CLSTN2: variants seen among roughly 807,000 people sequenced by gnomAD.
The protein encoded by CLSTN2 is calsyntenin-2.
Under a neutral mutation model 101.2 loss-of-function variants are expected in CLSTN2, and 48 were observed. That is an observed-to-expected ratio of 0.47 (90% CI 0.38 to 0.60). The LOEUF (loss-of-function observed/expected upper bound fraction) is 0.60, where lower values mean the gene tolerates loss of function less well. Among genes scored for constraint, CLSTN2 ranks in the 20% least tolerant of loss-of-function variants. The pLI is 0.00. For synonymous variants in CLSTN2, 481 were observed against 463.6 expected (o/e 1.04, Z -0.48); for missense variants, 1,160 against 1,238.2 (o/e 0.94, Z 0.95).
intron 2 of CLSTN2, among the ~76,000 whole-genome samples, chr3:140,264,227 C>T (rs1461049907): frequency 6.6e-6 from 1 of 151,410 alleles, no homozygotes; most frequent in Non-Finnish European, 1.5e-5. Flanking sequence ...TTTAAAATGG[C>T]CTCCCAAGCA....
intron 2 of CLSTN2, among the ~76,000 whole-genome samples, chr3:140,283,075 TC>T (rs1422392185): frequency 6.6e-6 from 1 of 152,136 alleles, no homozygotes; most frequent in African/African-American, 2.4e-5. Context: ...TGTTCAGAGT[TC>T]CTATTTTCCA....
chr3:140,451,700 C>T (rs908931318), intron 6 of CLSTN2, among the ~76,000 whole-genome samples: 23 of 152,160 alleles, frequency 1.5e-4, no homozygotes, highest in African/African-American at 5.5e-4. Flanking sequence ...GGCTGGATCA[C>T]TTCTAAAATG....
At chr3:140,530,702 G>T (rs1033338039) in intron 8 of CLSTN2, among the ~76,000 whole-genome samples, 1 of 152,214 alleles carries the variant, frequency 6.6e-6, no homozygotes, top group Non-Finnish European at 1.5e-5. Context: ...GATGGTCACC[G>T]TGAGGGCAGT....
At chr3:140,423,099 T>A (rs2088523317) in intron 5 of CLSTN2, among the ~76,000 whole-genome samples, 1 of 152,230 alleles carries the variant, frequency 6.6e-6, no homozygotes, top group Non-Finnish European at 1.5e-5. Context: ...ATAGTCCCAA[T>A]GCTTCTTTGA....
chr3:140,514,727 C>T (rs561307071), intron 8 of CLSTN2, among the ~76,000 whole-genome samples: 2 of 152,264 alleles, frequency 1.3e-5, no homozygotes, highest in African/African-American at 4.8e-5. Flanking sequence ...AGTGGTTGTA[C>T]TACTTAATAT....
At chr3:140,085,698 C>T (rs932705375) in intron 1 of CLSTN2, among the ~76,000 whole-genome samples, 1 of 152,184 alleles carries the variant, frequency 6.6e-6, no homozygotes, top group African/African-American at 2.4e-5. Flanking sequence ...CTGCCCCTCT[C>T]TCCATTGTTG....
chr3:140,480,159 C>A (rs1364919121), intron 8 of CLSTN2, among the ~76,000 whole-genome samples: 1 of 151,560 alleles, frequency 6.6e-6, no homozygotes, highest in South Asian at 2.1e-4. Context: ...TGTGTTCTCA[C>A]TGTTCAGTTC....
chr3:140,421,540 C>T (rs749691543), intron 5 of CLSTN2, among the ~76,000 whole-genome samples: 7 of 137,012 alleles, frequency 5.1e-5, no homozygotes, highest in Non-Finnish European at 9.2e-5. Flanking sequence ...CATCTTCGAT[C>T]AATAGTAATT....
intron 1 of CLSTN2, among the ~76,000 whole-genome samples, chr3:140,084,797 C>T (rs1043410821): frequency 3.3e-5 from 5 of 152,192 alleles, no homozygotes; most frequent in African/African-American, 9.7e-5. Context: ...GCATCTGCAA[C>T]AAGCATTTTC....
At chr3:140,564,590 A>G (rs929390561) in intron 16 of CLSTN2, among the ~76,000 whole-genome samples, 5 of 152,216 alleles carry the variant, frequency 3.3e-5, no homozygotes, top group Non-Finnish European at 5.9e-5. Flanking sequence ...AAAGAAAAAT[A>G]TAGCAGCAAC....
chr3:140,013,299 C>G (rs1230090408), intron 1 of CLSTN2, among the ~76,000 whole-genome samples: 1 of 152,232 alleles, frequency 6.6e-6, no homozygotes, highest in African/African-American at 2.4e-5. Flanking sequence ...GGGCCTGAAG[C>G]TCTGGAGCCT....
chr3:140,199,034 T>C (rs999392452), intron 2 of CLSTN2, among the ~76,000 whole-genome samples: 1 of 152,198 alleles, frequency 6.6e-6, no homozygotes, highest in Non-Finnish European at 1.5e-5. Flanking sequence ...GGGGAAATTA[T>C]TTTCTCATAT....
At chr3:140,196,872 C>A (rs983636881) in intron 2 of CLSTN2, among the ~76,000 whole-genome samples, 2 of 152,220 alleles carry the variant, frequency 1.3e-5, no homozygotes, top group African/African-American at 4.8e-5. Context: ...CCTGCTCTTG[C>A]ACCTAGGCCT....
intron 1 of CLSTN2, among the ~76,000 whole-genome samples, chr3:140,037,351 C>T (rs2007674279): frequency 6.6e-6 from 1 of 152,038 alleles, no homozygotes. Context: ...CTTTTTTCCC[C>T]TAATCAATTG....
intron 6 of CLSTN2, among the ~76,000 whole-genome samples, chr3:140,455,040 A>G (rs1385220377): frequency 1.3e-5 from 2 of 152,112 alleles, no homozygotes; most frequent in Non-Finnish European, 2.9e-5. Flanking sequence ...AAAATAAAAG[A>G]CTTTCATTGC....
At chr3:140,417,936 C>G (rs1315677675) in intron 4 of CLSTN2, among the ~76,000 whole-genome samples, 1 of 152,164 alleles carries the variant, frequency 6.6e-6, no homozygotes, top group Admixed American at 6.5e-5. Flanking sequence ...ATTAGTTTCT[C>G]AGACACTTTC....
chr3:140,304,654 A>G (rs1490601194), intron 2 of CLSTN2, among the ~76,000 whole-genome samples: 1 of 152,210 alleles, frequency 6.6e-6, no homozygotes, highest in African/African-American at 2.4e-5. Context: ...CCTTTAATCC[A>G]TAATACCCTG....
chr3:140,260,135 AAT>A (rs35851668), intron 2 of CLSTN2, among the ~76,000 whole-genome samples: 41,399 of 140,942 alleles, frequency 0.29, 6,260 homozygotes, highest in Non-Finnish European at 0.35. Flanking sequence ...GTGAAAAAGA[AAT>A]ATATATATAT....
chr3:140,114,552 C>A (rs2009209243), intron 1 of CLSTN2, among the ~76,000 whole-genome samples: 1 of 152,110 alleles, frequency 6.6e-6, no homozygotes, highest in South Asian at 2.1e-4. Flanking sequence ...CGGTCTTAGA[C>A]AAAGGGATAA....
Sources: gnomAD v4.1 joint callset for allele counts (sites outside exome capture counted in the v4.1 genomes callset) on GRCh38, gnomAD v4.1.1 for gene constraint, MANE v1.5 for transcripts, NCBI Gene and HGNC (gene_info 2026-07-23, HGNC 2026-07-21) for gene names.